The following SYT1 variants were observed in gnomAD, a reference collection of about 807,000 sequenced individuals.
The protein encoded by SYT1 is synaptotagmin-1.
Under a neutral mutation model 44.8 loss-of-function variants are expected in SYT1, and 8 were observed. The observed-to-expected ratio is 0.18, with a 90% CI of 0.10 to 0.32. SYT1 has a LOEUF of 0.32. Among genes scored for constraint, SYT1 ranks in the 10% least tolerant of loss-of-function variants. The probability of loss-of-function intolerance (pLI) is 1.00; values close to 1 mark genes in which losing one functional copy is unlikely to be tolerated. For synonymous variants in SYT1, 154 were observed against 188.8 expected (o/e 0.82, Z 1.51); for missense variants, 286 against 509.3 (o/e 0.56, Z 4.22).
intron 1 of SYT1, among the ~76,000 whole-genome samples, chr12:78,895,543 T>C (rs1274748500): frequency 6.6e-6 from 1 of 151,796 alleles, no homozygotes; most frequent in African/African-American, 2.4e-5. Flanking sequence ...TAATTTTAAG[T>C]ATTTTTAAAA....
chr12:79,033,374 T>G (rs1872936621), intron 2 of SYT1, among the ~76,000 whole-genome samples: 1 of 151,402 alleles, frequency 6.6e-6, no homozygotes. Context: ...TCATGTAATT[T>G]GTTGAATGCT....
chr12:78,956,338 TCTC>T lies in SYT1; in HGVS notation c.-216-21458_-216-21456del, dbSNP rs780630381. ...CTTATTGAGTTTGAATCCTAGCTCT[TCTC>T]CTTTTTTTTTCCATGATGGGCAATT... On this transcript the variant is annotated intron_variant, in intron 1 of 10. Transcript: ENST00000261205. 9.2e-5 allele frequency among the ~76,000 whole-genome samples: 14 copies of T among 152,186 alleles called. No homozygotes were observed. The East Asian group carries it at 2.1e-3, about 23-fold the overall frequency.
chr12:78,932,493 A>G (rs1270564243), intron 1 of SYT1, among the ~76,000 whole-genome samples: 2 of 152,220 alleles, frequency 1.3e-5, no homozygotes, highest in Non-Finnish European at 2.9e-5. Context: ...CAAATTTTGA[A>G]AGGATACTAT....
chr12:79,097,240 A>C (rs1382776370), intron 3 of SYT1, among the ~76,000 whole-genome samples: 3 of 151,980 alleles, frequency 2.0e-5, no homozygotes, highest in Non-Finnish European at 4.4e-5. Context: ...AACATTTGAG[A>C]CTGTCCAAAG....
chr12:78,870,474 T>C (rs1873762935), intron 1 of SYT1, among the ~76,000 whole-genome samples: 1 of 152,144 alleles, frequency 6.6e-6, no homozygotes, highest in Non-Finnish European at 1.5e-5. Flanking sequence ...GATAGATAAA[T>C]GTTTTCTTTC....
chr12:79,054,848 T>C (rs1454868247), intron 3 of SYT1, among the ~76,000 whole-genome samples: 4 of 152,082 alleles, frequency 2.6e-5, no homozygotes, highest in Non-Finnish European at 4.4e-5. Flanking sequence ...GATTAAATTA[T>C]GTTTTTATTT....
chr12:78,976,871 T>G (rs1289114070), intron 1 of SYT1, among the ~76,000 whole-genome samples: 1 of 152,186 alleles, frequency 6.6e-6, no homozygotes, highest in African/African-American at 2.4e-5. Context: ...ATAACGTGAA[T>G]TCTGTCTACC....
intron 1 of SYT1, among the ~76,000 whole-genome samples, chr12:78,891,740 AG>A (rs1875063110): frequency 6.6e-6 from 1 of 151,316 alleles, no homozygotes; most frequent in Non-Finnish European, 1.5e-5. Flanking sequence ...AACTGTGCTC[AG>A]GAGGAAGGAC....
chr12:79,384,459 G>T (rs897958248), intron 9 of SYT1, among the ~76,000 whole-genome samples: 1 of 152,116 alleles, frequency 6.6e-6, no homozygotes, highest in Admixed American at 6.6e-5. Flanking sequence ...ATGAGGGCAC[G>T]TAATCAGAGT....
intron 1 of SYT1, among the ~76,000 whole-genome samples, chr12:78,868,333 G>A (rs927800810): frequency 6.6e-6 from 1 of 151,764 alleles, no homozygotes; most frequent in Non-Finnish European, 1.5e-5. Context: ...GTAGGTATGC[G>A]TCTTGCATGC....
chr12:79,290,734 CAAT>C (rs1847825627), intron 5 of SYT1, among the ~76,000 whole-genome samples: 3 of 151,978 alleles, frequency 2.0e-5, no homozygotes, highest in Admixed American at 2.0e-4. Flanking sequence ...AACCAGGAGA[CAAT>C]AATTGTGATA....
chr12:79,104,884 C>T (rs1222376196), intron 3 of SYT1, among the ~76,000 whole-genome samples: 25 of 151,854 alleles, frequency 1.6e-4, no homozygotes, highest in Non-Finnish European at 1.2e-4. Context: ...AAGCCAATCT[C>T]AAATAGAGCA....
intron 3 of SYT1, among the ~76,000 whole-genome samples, chr12:79,080,527 G>A (rs1201885681): frequency 2.0e-5 from 3 of 151,998 alleles, no homozygotes; most frequent in Non-Finnish European, 4.4e-5. Context: ...GAATCACAAT[G>A]GATTTTGGTG....
At chr12:79,226,562 A>G (rs1301192740) in intron 4 of SYT1, among the ~76,000 whole-genome samples, 2 of 152,158 alleles carry the variant, frequency 1.3e-5, no homozygotes, top group Admixed American at 6.5e-5. Flanking sequence ...CACCCCTAAA[A>G]AATATTATGT....
intron 3 of SYT1, among the ~76,000 whole-genome samples, chr12:79,109,176 G>T (rs1277214649): frequency 6.6e-6 from 1 of 152,144 alleles, no homozygotes; most frequent in Non-Finnish European, 1.5e-5. Flanking sequence ...AACTTTTATG[G>T]CTCCAACCCA....
chr12:79,050,730 G>T (rs1478904247), intron 3 of SYT1, among the ~76,000 whole-genome samples: 1 of 152,048 alleles, frequency 6.6e-6, no homozygotes, highest in Non-Finnish European at 1.5e-5. Context: ...ATGGAAGGCA[G>T]ATTTTAACCA....
intron 3 of SYT1, among the ~76,000 whole-genome samples, chr12:79,167,300 C>T (rs1308251554): frequency 6.6e-6 from 1 of 151,960 alleles, no homozygotes; most frequent in East Asian, 1.9e-4. Flanking sequence ...CTAAAATTTG[C>T]ATTATAAGCC....
rs1871141356 is a variant in SYT1 at position 79,007,096 on chromosome 12, G to GT, written c.-84+29165_-84+29166insT. Among the ~76,000 whole-genome samples, 3 of 152,128 alleles carry GT rather than the reference G, an allele frequency of 2.0e-5. No individual in the cohort carries two copies. In the East Asian group the frequency reaches 5.8e-4, roughly 29 times the overall value. Reference sequence around the variant, plus strand: ...CTTGTTGGCCATTTTTCAGCAAAAGGGCCACTCCTGCTGCTGACAGGCATG... The same window carrying GT: ...CTTGTTGGCCATTTTTCAGCAAAAGGTGCCACTCCTGCTGCTGACAGGCATG... On this transcript the variant is annotated intron_variant, in intron 2 of 10. Coordinates refer to ENST00000261205, the MANE Select transcript of SYT1 (RefSeq NM_005639.3).
At chr12:79,233,248 T>C (rs999244333) in intron 4 of SYT1, among the ~76,000 whole-genome samples, 2 of 152,242 alleles carry the variant, frequency 1.3e-5, no homozygotes, top group Admixed American at 6.5e-5. Context: ...CTTTTTGTTT[T>C]AAAAATAACG....
Sources: gnomAD v4.1 joint callset for allele counts (sites outside exome capture counted in the v4.1 genomes callset) on GRCh38, gnomAD v4.1.1 for gene constraint, MANE v1.5 for transcripts, NCBI Gene and HGNC (gene_info 2026-07-23, HGNC 2026-07-21) for gene names.